Variants in STARD3NL observed in about 807,000 individuals in gnomAD.
The protein encoded by STARD3NL is STARD3 N-terminal-like protein.
A neutral mutation model predicts 30.9 loss-of-function variants in STARD3NL; 17 were observed. The observed-to-expected ratio is 0.55, with a 90% CI of 0.38 to 0.82. STARD3NL has a LOEUF of 0.82. Ranked by LOEUF, STARD3NL falls within the 40% of genes least tolerant of loss-of-function variation. STARD3NL has a pLI of 0.00. For synonymous variants in STARD3NL, 112 were observed against 100.5 expected, an observed-to-expected ratio of 1.11 and a Z score of -0.69; for missense variants, 234 against 277.6, an observed-to-expected ratio of 0.84 and a Z score of 1.12.
chr7:38,197,539 C>A (rs990922253), intron 1 of STARD3NL, among the ~76,000 whole-genome samples: 6 of 152,132 alleles, frequency 3.9e-5, no homozygotes, highest in Admixed American at 6.5e-5. Context: ...TATCTACAAA[C>A]CATCTTTGAG....
intron 1 of STARD3NL, among the ~76,000 whole-genome samples, chr7:38,184,636 TATATAGTATATAACCG>T (rs1186694630): frequency 1.7e-3 from 244 of 146,252 alleles, no homozygotes; most frequent in African/African-American, 5.7e-3. Flanking sequence ...ATATATACTA[TATATAGTATATAACCG>T]ATATAGTATA....
At chr7:38,202,446 G>A (rs1038266448) in intron 1 of STARD3NL, among the ~76,000 whole-genome samples, 1 of 152,110 alleles carries the variant, frequency 6.6e-6, no homozygotes, top group African/African-American at 2.4e-5. Flanking sequence ...GCCTCTCATT[G>A]TAAACATATA....
chr7:38,204,758 AAG>A (rs1355296033), intron 1 of STARD3NL, among the ~76,000 whole-genome samples: 1 of 152,140 alleles, frequency 6.6e-6, no homozygotes, highest in East Asian at 1.9e-4. Flanking sequence ...TAAAGAAGAA[AAG>A]AGAGAAGAAT....
intron 1 of STARD3NL, among the ~76,000 whole-genome samples, chr7:38,199,196 T>C (rs939463949): frequency 4.6e-5 from 7 of 152,250 alleles, no homozygotes; most frequent in African/African-American, 1.7e-4. Context: ...TTCCTGTGTA[T>C]ACAGCCAATC....
At chr7:38,209,335 G>A (rs1439693286) in intron 2 of STARD3NL, among the ~76,000 whole-genome samples, 3 of 151,844 alleles carry the variant, frequency 2.0e-5, no homozygotes, top group Non-Finnish European at 2.9e-5. Flanking sequence ...TCAGGCTGGA[G>A]TGCAGTGACA....
intron 1 of STARD3NL, among the ~76,000 whole-genome samples, chr7:38,205,151 C>T (rs2045749006): frequency 6.6e-6 from 1 of 152,190 alleles, no homozygotes; most frequent in African/African-American, 2.4e-5. Flanking sequence ...CCAGCATCAT[C>T]CTGATACCAA....
At chr7:38,224,645 G>GT (rs1317533367) in intron 7 of STARD3NL, among the ~76,000 whole-genome samples, 3 of 152,114 alleles carry the variant, frequency 2.0e-5, no homozygotes, top group Non-Finnish European at 4.4e-5. Context: ...TGCCCACCTG[G>GT]TAGTCACTTA....
chr7:38,222,905 C>A (rs1379183635), intron 7 of STARD3NL, among the ~76,000 whole-genome samples: 5 of 151,904 alleles, frequency 3.3e-5, no homozygotes, highest in African/African-American at 1.2e-4. Flanking sequence ...ATTAATATGC[C>A]TAGAAAAAAA....
chr7:38,205,476 C>T (rs929773724), intron 1 of STARD3NL, among the ~76,000 whole-genome samples: 15 of 152,022 alleles, frequency 9.9e-5, no homozygotes, highest in Non-Finnish European at 1.5e-5. Context: ...TTTTCTAAGT[C>T]ATTATAAATG....
intron 2 of STARD3NL, among the ~76,000 whole-genome samples, chr7:38,208,665 T>C (rs192203463): frequency 9.0e-4 from 137 of 152,332 alleles, no homozygotes; most frequent in Middle Eastern, 3.4e-3. Context: ...TTCCAGGAAA[T>C]GTTTGCTAAG....
At chr7:38,193,133 G>A (rs1014709813) in intron 1 of STARD3NL, among the ~76,000 whole-genome samples, 10 of 152,096 alleles carry the variant, frequency 6.6e-5, no homozygotes, top group Non-Finnish European at 1.2e-4. Flanking sequence ...CCTGCCACCT[G>A]CCTCCAATTA....
intron 1 of STARD3NL, among the ~76,000 whole-genome samples, chr7:38,200,418 A>G (rs1254742864): frequency 6.6e-6 from 1 of 151,030 alleles, no homozygotes; most frequent in Non-Finnish European, 1.5e-5. Flanking sequence ...TTTAACCTAT[A>G]TATTTTTTAA....
At chr7:38,188,601 G>T (rs1583775611) in intron 1 of STARD3NL, among the ~76,000 whole-genome samples, 1 of 152,328 alleles carries the variant, frequency 6.6e-6, no homozygotes, top group African/African-American at 2.4e-5. Flanking sequence ...AGTGAATGAA[G>T]TAGATGTGGT....
In STARD3NL at chr7:38,184,611, A is replaced by AATATATAGTATATGATATATACT. The variant is rs1278573163; in HGVS notation, c.-59+6205_-59+6227dup. Among the ~76,000 whole-genome samples, 204 of 148,344 alleles carry AATATATAGTATATGATATATACT rather than the reference A, an allele frequency of 1.4e-3. 1 individual carries two copies. The highest frequency in any genetic ancestry group is 4.5e-3 in the African/African-American group (183 of 40,488). On this transcript the variant is annotated intron_variant, in intron 1 of 8. Transcript: ENST00000009041. ...GGGATGGTGGCAAGGGGATGGTGCCAATATATAGTATATGATATATACTAT... is the reference window on the plus strand; with the variant it reads ...GGGATGGTGGCAAGGGGATGGTGCCAATATATAGTATATGATATATACTATATATAGTATATGATATATACTAT...
intron 7 of STARD3NL, among the ~76,000 whole-genome samples, chr7:38,220,682 G>A (rs1307584396): frequency 1.3e-5 from 2 of 152,218 alleles, no homozygotes; most frequent in Non-Finnish European, 2.9e-5. Flanking sequence ...CAGCAGATAT[G>A]TGTATACCCA....
chr7:38,184,008 C>T (rs971144453), intron 1 of STARD3NL, among the ~76,000 whole-genome samples: 10 of 152,160 alleles, frequency 6.6e-5, no homozygotes, highest in Non-Finnish European at 1.0e-4. Context: ...CTAACACATG[C>T]CAGGCATATC....
chr7:38,197,133 CTTTTTTCTTTCT>C lies in STARD3NL; in HGVS notation c.-58-10311_-58-10300del, dbSNP rs1224883783. Among the ~76,000 whole-genome samples, 515 of 92,596 alleles carry C rather than the reference CTTTTTTCTTTCT, an allele frequency of 5.6e-3. 4 individuals carry two copies. Among genetic ancestry groups the C allele is most frequent in the East Asian group, 0.013 (27 of 2,130 alleles). 60.7% of individuals were successfully genotyped at this position (92,596 alleles called of 152,430 possible). On this transcript the variant is annotated intron_variant, in intron 1 of 8. Transcript: ENST00000009041. ...TTCTGATCCTGTGAGATAGCATTAC[CTTTTTTCTTTCT>C]TTCTTTCTTTCTTTCTTTCTTTCTT...
intron 7 of STARD3NL, among the ~76,000 whole-genome samples, chr7:38,222,141 T>TCTCA (rs71558111): frequency 6.9e-6 from 1 of 144,304 alleles, no homozygotes; most frequent in Non-Finnish European, 1.5e-5. Flanking sequence ...GTTAATATTT[T>TCTCA]CACACACACA....
chr7:38,223,105 G>C (rs763486314), intron 7 of STARD3NL, among the ~76,000 whole-genome samples: 1 of 151,896 alleles, frequency 6.6e-6, no homozygotes, highest in Non-Finnish European at 1.5e-5. Context: ...TACAGTACCT[G>C]GCTTATATTA....
Sources: allele counts gnomAD v4.1 joint callset (sites outside exome capture counted in the v4.1 genomes callset), GRCh38; gene constraint gnomAD v4.1.1; transcripts MANE v1.5; gene names NCBI Gene and HGNC (gene_info 2026-07-23, HGNC 2026-07-21).